Variants in PCDH11X observed in about 807,000 individuals in gnomAD.
PCDH11X encodes protocadherin 11 X-linked.
Under a neutral mutation model 53.3 loss-of-function variants are expected in PCDH11X, and 18 were observed. The ratio of observed to expected loss-of-function variants is 0.34; its 90% CI spans 0.23 to 0.50. The LOEUF is 0.50. PCDH11X is among the 20% of genes least tolerant of loss of function. PCDH11X has a pLI of 0.98. For synonymous variants in PCDH11X, 279 were observed against 393.3 expected (o/e 0.71, Z 3.44); for missense variants, 570 against 1,032.4 (o/e 0.55, Z 6.14).
intron 7 of PCDH11X, among the ~76,000 whole-genome samples, chrX:92,256,214 G>A (rs1044392622): frequency 2.7e-5 from 3 of 111,604 alleles, no homozygotes; most frequent in African/African-American, 6.5e-5. Context: ...TCCAGGTGCC[G>A]TCCGTCACCC....
intron 8 of PCDH11X, among the ~76,000 whole-genome samples, chrX:92,273,616 G>A (rs915113959): frequency 9.1e-6 from 1 of 110,386 alleles, no homozygotes; most frequent in Non-Finnish European, 1.9e-5. Flanking sequence ...ATGTTTCTCA[G>A]GGCTGCTTCA....
chrX:92,025,917 G>A (rs1352254904), intron 6 of PCDH11X, among the ~76,000 whole-genome samples: 1 of 109,314 alleles, frequency 9.1e-6, no homozygotes, highest in Non-Finnish European at 1.9e-5. Context: ...TGAAGCTGGG[G>A]GCCATTACTT....
intron 4 of PCDH11X, among the ~76,000 whole-genome samples, chrX:91,819,170 T>C (rs1376530783): frequency 9.1e-6 from 1 of 109,790 alleles, no homozygotes; most frequent in Non-Finnish European, 1.9e-5. Flanking sequence ...TGTTCTTTAC[T>C]TGTGGTGAGA....
At chrX:92,176,531 A>G (rs1414045003) in intron 6 of PCDH11X, among the ~76,000 whole-genome samples, 1 of 112,217 alleles carries the variant, frequency 8.9e-6, no homozygotes, top group Non-Finnish European at 1.9e-5. Context: ...TTTATACGTT[A>G]ACCCTTGTAT....
At chrX:91,886,445 T>C (rs1377407150) in intron 6 of PCDH11X, among the ~76,000 whole-genome samples, 10 of 110,918 alleles carry the variant, frequency 9.0e-5, no homozygotes, top group African/African-American at 3.3e-4. Context: ...TTGATCAAAA[T>C]CTATAGTGCA....
chrX:92,452,046 T>C (rs982285332), intron 9 of PCDH11X, among the ~76,000 whole-genome samples: 10 of 109,501 alleles, frequency 9.1e-5, no homozygotes, highest in Non-Finnish European at 1.7e-4. Flanking sequence ...TTCTATTGTA[T>C]ATTAATATTA....
intron 6 of PCDH11X, among the ~76,000 whole-genome samples, chrX:91,896,419 G>A (rs2189406): frequency 3.7e-5 from 4 of 108,689 alleles, no homozygotes; most frequent in Admixed American, 9.9e-5. Context: ...CCACCGCACC[G>A]CACCTGGCCT....
At chrX:92,148,293 A>G (rs1308887970) in intron 6 of PCDH11X, among the ~76,000 whole-genome samples, 1 of 98,071 alleles carries the variant, frequency 1.0e-5, no homozygotes, top group Non-Finnish European at 2.0e-5. Flanking sequence ...CAGTGGCACA[A>G]TCTGGGCTCA....
rs770798896 is a variant in PCDH11X at position 92,260,591 on chromosome X, G to GT, written c.3115-2513dup. On this transcript the variant is annotated intron_variant, in intron 7 of 10. Coordinates refer to ENST00000682573, the MANE Select transcript of PCDH11X (RefSeq NM_032968.5). ...CCTGATTTTTGGTTCTCATGAAGGT[G>GT]TTTTTTTTTTCTGTGTAGACAGTTG... Among the ~76,000 whole-genome samples the GT allele has an allele frequency of 8.1e-3, 867 of 106,753 alleles. 9 individuals carry two copies. Among genetic ancestry groups the GT allele is most frequent in the East Asian group, 0.028 (95 of 3,361 alleles). The allele number at this position is 106,753 out of a possible 115,157, so 92.7% of individuals were successfully genotyped here.
chrX:92,544,115 T>C (rs963192167), intron 10 of PCDH11X, among the ~76,000 whole-genome samples: 2 of 109,822 alleles, frequency 1.8e-5, no homozygotes, highest in African/African-American at 3.3e-5. Context: ...GACTAATTTA[T>C]AGATAATTGG....
At chrX:92,447,637 A>G (rs1450867403) in intron 9 of PCDH11X, among the ~76,000 whole-genome samples, 2 of 112,278 alleles carry the variant, frequency 1.8e-5, no homozygotes, top group Non-Finnish European at 3.8e-5. Flanking sequence ...CCTCATGGAG[A>G]ACCTCTGCTA....
At chrX:92,498,806 A>G (rs1159731153) in intron 10 of PCDH11X, among the ~76,000 whole-genome samples, 1 of 107,640 alleles carries the variant, frequency 9.3e-6, no homozygotes, top group African/African-American at 3.4e-5. Flanking sequence ...AAAAAATATA[A>G]CATGAAGTAG....
intron 6 of PCDH11X, among the ~76,000 whole-genome samples, chrX:92,106,289 G>GTCTTT (rs10655071): frequency 0.14 from 12,159 of 85,531 alleles, 2,230 homozygotes; most frequent in African/African-American, 0.4. Flanking sequence ...ATTACATCAT[G>GTCTTT]TCTTTTATTC....
At chrX:92,364,745 C>T (rs1282452369) in intron 8 of PCDH11X, among the ~76,000 whole-genome samples, 2 of 104,713 alleles carry the variant, frequency 1.9e-5, no homozygotes, top group African/African-American at 7.0e-5. Flanking sequence ...TAGCTCAAAT[C>T]GTTTTCTCTT....
intron 6 of PCDH11X, among the ~76,000 whole-genome samples, chrX:92,008,597 A>T (rs2062639324): frequency 1.9e-5 from 2 of 106,362 alleles, no homozygotes; most frequent in African/African-American, 6.9e-5. Context: ...AGGTACTATG[A>T]GTGCTCGCCT....
At chrX:91,938,164 G>A (rs2061466553) in intron 6 of PCDH11X, among the ~76,000 whole-genome samples, 1 of 111,533 alleles carries the variant, frequency 9.0e-6, no homozygotes, top group Non-Finnish European at 1.9e-5. Context: ...ACACTTCTAA[G>A]TCAGAACATA....
At chrX:92,000,132 G>T (rs1180816359) in intron 6 of PCDH11X, among the ~76,000 whole-genome samples, 4 of 111,190 alleles carry the variant, frequency 3.6e-5, no homozygotes, top group Admixed American at 9.6e-5. Flanking sequence ...AGCCTACCCT[G>T]AAGTTATACT....
Position 92,387,788 on chromosome X carries a change from T to C in PCDH11X, c.3198T>C (p.Ser1066=), listed in dbSNP as rs778639594. The C allele has an allele frequency of 2.5e-6, 3 of 1,211,797 alleles. No homozygotes were observed. The highest frequency in any genetic ancestry group is 2.2e-6 in the Non-Finnish European group (2 of 895,462). The part of the protein sequence containing the change: ...HLPEGSQESS[S]DGGLGDHDAG... ...CAGAAGGCTCTCAGGAAAGCAGCAG[T>C]GATGGTGGACTGGGAGACCATGATG... The change falls in exon 9 of 11, where the codon AGT becomes AGC. Residue 1066 remains serine, a synonymous_variant. Transcript: ENST00000682573.
intron 6 of PCDH11X, among the ~76,000 whole-genome samples, chrX:92,194,202 A>G (rs1427929436): frequency 8.9e-6 from 1 of 112,035 alleles, no homozygotes; most frequent in Admixed American, 9.6e-5. Flanking sequence ...TACATTGAGG[A>G]GTAATCTTGA....
Sources: gnomAD v4.1 joint callset for allele counts (sites outside exome capture counted in the v4.1 genomes callset) on GRCh38, gnomAD v4.1.1 for gene constraint, MANE v1.5 for transcripts, NCBI Gene and HGNC (gene_info 2026-07-23, HGNC 2026-07-21) for gene names.